Variants in ARID4A observed in about 807,000 individuals in gnomAD.
The protein encoded by ARID4A is AT-rich interactive domain-containing protein 4A.
In ARID4A, 39 loss-of-function variants were observed where a neutral mutation model predicts 148.6. The observed-to-expected ratio is 0.26, with a 90% CI of 0.20 to 0.34. The LOEUF (loss-of-function observed/expected upper bound fraction) is 0.34, where lower values mean the gene tolerates loss of function less well. ARID4A is among the 10% of genes least tolerant of loss of function. The pLI, the probability that ARID4A is intolerant of heterozygous loss-of-function variation, is 1.00. For missense variants in ARID4A, 1,265 were observed against 1,449.1 expected (o/e 0.87, Z 2.06); for synonymous variants, 475 against 481.2 (o/e 0.99, Z 0.17).
At chr14:58,320,026 C>T (rs1450368293) in intron 7 of ARID4A, among the ~76,000 whole-genome samples, 1 of 146,988 alleles carries the variant, frequency 6.8e-6, no homozygotes, top group African/African-American at 2.5e-5. Context: ...CAGCTTATTG[C>T]AGCCTCTGCC....
chr14:58,346,267 G>A, intron 12 of ARID4A, 144 bp from the exon 13 acceptor site: 1 of 379,492 alleles, frequency 2.6e-6, no homozygotes, highest in Non-Finnish European at 4.7e-6. Flanking sequence ...GAATTATCTT[G>A]TGTTGTTTTA....
chr14:58,324,539 C>G (rs921898229), intron 8 of ARID4A, among the ~76,000 whole-genome samples: 1 of 152,148 alleles, frequency 6.6e-6, no homozygotes, highest in South Asian at 2.1e-4. Flanking sequence ...CTTTGGCCTC[C>G]CAAGGGGCCG....
intron 17 of ARID4A, among the ~76,000 whole-genome samples, chr14:58,355,537 A>G (rs2034832760): frequency 6.6e-6 from 1 of 152,202 alleles, no homozygotes; most frequent in Admixed American, 6.5e-5. Flanking sequence ...AAATATCTTA[A>G]TATTTTTGGA....
At chr14:58,359,284 T>A in intron 18 of ARID4A, 68 bp downstream of exon 18, 3 of 1,435,030 alleles carry the variant, frequency 2.1e-6, no homozygotes, top group Non-Finnish European at 2.8e-6. Context: ...GTGTGTTTTT[T>A]AAGACTTTAA....
chr14:58,350,797 C>G (rs2034603519), intron 15 of ARID4A, among the ~76,000 whole-genome samples: 1 of 151,946 alleles, frequency 6.6e-6, no homozygotes, highest in Admixed American at 6.6e-5. Context: ...ATTTTTATTT[C>G]TTTTTTGTTG....
At chr14:58,332,851 A>G (rs1348134235) in intron 11 of ARID4A, among the ~76,000 whole-genome samples, 1 of 152,170 alleles carries the variant, frequency 6.6e-6, no homozygotes, top group Non-Finnish European at 1.5e-5. Flanking sequence ...AAACCACTAT[A>G]ACAATACTCT....
chr14:58,329,330 A>G (rs1246556693), intron 9 of ARID4A, among the ~76,000 whole-genome samples, 198 bp from the exon 10 acceptor site: 4 of 152,326 alleles, frequency 2.6e-5, no homozygotes, highest in African/African-American at 7.2e-5. Flanking sequence ...TACTTTGAGT[A>G]TATACAACTT....
chr14:58,326,503 A>G (rs560785954), intron 8 of ARID4A, among the ~76,000 whole-genome samples: 1 of 152,360 alleles, frequency 6.6e-6, no homozygotes, highest in South Asian at 2.1e-4. Context: ...TTGGCTAAAT[A>G]TTAGATGCGA....
At chr14:58,329,692 C>T (rs2033412446) in intron 10 of ARID4A, 88 bp downstream of exon 10, 5 of 1,180,674 alleles carry the variant, frequency 4.2e-6, no homozygotes, top group Non-Finnish European at 6.3e-6. Context: ...CTCTCTGGTA[C>T]CACCATTTTA....
Position 58,302,970 on chromosome 14 carries a change from T to A in ARID4A, c.117+1280T>A, listed in dbSNP as rs573620554. On this transcript the variant is annotated intron_variant, in intron 3 of 23. Transcript: ENST00000355431. Reference sequence around the variant, plus strand: ...GCAAGACCCTGTCTCAAAAAAAAAATTTTTTTTTAAGATGCTTTTACTCTG... The same window carrying A: ...GCAAGACCCTGTCTCAAAAAAAAAAATTTTTTTTAAGATGCTTTTACTCTG... Among the ~76,000 whole-genome samples, 27 of 151,412 alleles carry A rather than the reference T, an allele frequency of 1.8e-4. No homozygotes were observed. In the South Asian group the frequency reaches 2.5e-3, roughly 14 times the overall value.
intron 7 of ARID4A, among the ~76,000 whole-genome samples, chr14:58,321,753 A>G (rs139895568): frequency 8.9e-4 from 135 of 152,152 alleles, no homozygotes; most frequent in African/African-American, 3.0e-3. Context: ...GGAAATCCCA[A>G]CTCAGCCATA....
intron 11 of ARID4A, among the ~76,000 whole-genome samples, chr14:58,340,162 C>G (rs2034041534): frequency 6.6e-6 from 1 of 152,088 alleles, no homozygotes; most frequent in Non-Finnish European, 1.5e-5. Flanking sequence ...TATATTTGGA[C>G]AAGGGATAAG....
At chr14:58,317,627 T>TA (rs899782843) in intron 5 of ARID4A, among the ~76,000 whole-genome samples, 2 of 132,382 alleles carry the variant, frequency 1.5e-5, no homozygotes, top group Non-Finnish European at 3.2e-5. Flanking sequence ...TATTTGTCTT[T>TA]TTTTTTTTTT....
chr14:58,312,743 G>C (rs1430910060), intron 5 of ARID4A, among the ~76,000 whole-genome samples: 1 of 151,992 alleles, frequency 6.6e-6, no homozygotes, highest in African/African-American at 2.4e-5. Flanking sequence ...TATGTCTTTT[G>C]ATATCCCCTT....
At chr14:58,344,861 A>G in intron 12 of ARID4A, 94 bp downstream of exon 12, 1 of 904,068 alleles carries the variant, frequency 1.1e-6, no homozygotes, top group Non-Finnish European at 1.7e-6. Context: ...GCAGATAAAC[A>G]GTTTTGGATT....
At chr14:58,353,582 C>T (rs1434343257) in intron 16 of ARID4A, 76 bp from the exon 17 acceptor site, 1 of 1,272,548 alleles carries the variant, frequency 7.9e-7, no homozygotes, top group Non-Finnish European at 1.1e-6. Context: ...GAATAATCTA[C>T]CTGTTGGATT....
At chr14:58,355,986 T>C (rs1320839142) in intron 17 of ARID4A, among the ~76,000 whole-genome samples, 1 of 152,222 alleles carries the variant, frequency 6.6e-6, no homozygotes, top group Non-Finnish European at 1.5e-5. Flanking sequence ...TTCATGGTTT[T>C]TCGTTGTTCT....
In ARID4A at chr14:58,318,069, ATG is replaced by A. The variant is rs546808946; in HGVS notation, c.275-469_275-468del. 2.4e-4 allele frequency among the ~76,000 whole-genome samples: 37 copies of A among 152,316 alleles called. 1 individual carries two copies. In the South Asian group the frequency reaches 7.3e-3, roughly 30 times the overall value. On this transcript the variant is annotated intron_variant, in intron 5 of 23. Transcript: ENST00000355431. ...GACTTTAGAATTTGGCAGCTGGTAC[ATG>A]TGTAGTAGGTTATCATGCAAATAAA... is the stretch of plus-strand genomic sequence containing the variant.
At chr14:58,349,102 T>C (rs2034512221) in intron 15 of ARID4A, among the ~76,000 whole-genome samples, 1 of 152,204 alleles carries the variant, frequency 6.6e-6, no homozygotes, top group South Asian at 2.1e-4. Flanking sequence ...AGTGAAATCA[T>C]ACAGTGTTTG....
Sources: gnomAD v4.1 joint callset for allele counts (sites outside exome capture counted in the v4.1 genomes callset) on GRCh38, gnomAD v4.1.1 for gene constraint, MANE v1.5 for transcripts, NCBI Gene and HGNC (gene_info 2026-07-23, HGNC 2026-07-21) for gene names.